The following PSG2 variants were observed in gnomAD, a reference collection of about 807,000 sequenced individuals.
PSG2 encodes pregnancy specific beta-1-glycoprotein 2, also known as pregnancy-specific beta-1-glycoprotein 2.
PSG2 carries 49 observed loss-of-function variants against 36.2 expected under a neutral mutation model. The observed-to-expected ratio is 1.35, with a 90% CI of 1.08 to 1.72. The LOEUF (loss-of-function observed/expected upper bound fraction) is 1.72. Among genes scored for constraint, PSG2 ranks in the 40% most tolerant of loss-of-function variants. The pLI is 0.00. For missense variants in PSG2, 605 were observed against 407.2 expected (o/e 1.49, Z -4.18); for synonymous variants, 261 against 155.6 (o/e 1.68, Z -5.04).
At chr19:43,071,042 C>A (rs1967807959) in intron 4 of PSG2, among the ~76,000 whole-genome samples, 1 of 151,642 alleles carries the variant, frequency 6.6e-6, no homozygotes, top group Admixed American at 6.6e-5. Flanking sequence ...GCTTAGGAGT[C>A]TGCCCTGAGG....
At chr19:43,076,615 T>A (rs547939766) in intron 2 of PSG2, among the ~76,000 whole-genome samples, 1 of 151,558 alleles carries the variant, frequency 6.6e-6, no homozygotes, top group South Asian at 2.1e-4. Context: ...ATGTACCTCA[T>A]ATCAGTGGAT....
chr19:43,082,233 T>C (rs1425346411), intron 1 of PSG2: 5 of 363,902 alleles, frequency 1.4e-5, no homozygotes, highest in Admixed American at 4.2e-5. Context: ...TTCTGCCTCC[T>C]GGGTTCACGT....
chr19:43,078,229 T>A (rs1343445715), intron 2 of PSG2, among the ~76,000 whole-genome samples: 3 of 151,740 alleles, frequency 2.0e-5, no homozygotes, highest in Non-Finnish European at 1.5e-5. Context: ...GAAGCAAGAA[T>A]GATAATAGTT....
chr19:43,076,123 G>A (rs1334027980), intron 2 of PSG2, among the ~76,000 whole-genome samples: 11 of 151,714 alleles, frequency 7.3e-5, no homozygotes, highest in African/African-American at 7.3e-5. Flanking sequence ...GGAAAGCCTG[G>A]CCTGGGACTG....
intron 4 of PSG2, among the ~76,000 whole-genome samples, chr19:43,067,269 C>T (rs1020679314): frequency 6.6e-6 from 1 of 151,384 alleles, no homozygotes; most frequent in African/African-American, 2.4e-5. Context: ...GCCTGCCCCA[C>T]ATTCCCTCAC....
chr19:43,072,419 G>T lies in PSG2; in HGVS notation c.710-465C>A, dbSNP rs866804773. 44 of 1,612,320 alleles carry T rather than the reference G, an allele frequency of 2.7e-5. 2 individuals are homozygous for T. In the Middle Eastern group the frequency reaches 3.6e-3, roughly 130 times the overall value. ...TCGGTCCCGTATTTCACATTCATAG[G>T]GTCCTGTTTCATTTCTCGTGACACT... is the stretch of plus-strand genomic sequence containing the variant. On this transcript the variant is annotated intron_variant, in intron 3 of 5. Coordinates refer to ENST00000406487, the MANE Select transcript of PSG2 (RefSeq NM_031246.4).
At chr19:43,068,054 A>C (rs1284041643) in intron 4 of PSG2, among the ~76,000 whole-genome samples, 1 of 151,542 alleles carries the variant, frequency 6.6e-6, no homozygotes, top group African/African-American at 2.4e-5. Flanking sequence ...CCAAAAGTTG[A>C]TTCTTCAAAA....
In PSG2 at chr19:43,072,289, G is replaced by A. The variant is rs1967830489; in HGVS notation, c.710-335C>T. 3.1e-6 allele frequency: 5 copies of A among 1,597,136 alleles called. No individual in the cohort carries two copies. In the South Asian group the frequency reaches 3.3e-5, roughly 11 times the overall value. ...ACTTGGACCGGAGAGAGACTGAGAG[G>A]CCTGGCCCCTGGTCATTTGGATTTA... On this transcript the variant is annotated intron_variant, in intron 3 of 5. Transcript: ENST00000406487.
chr19:43,073,021 A>G (rs906045479), intron 3 of PSG2, among the ~76,000 whole-genome samples: 1 of 151,632 alleles, frequency 6.6e-6, no homozygotes, highest in African/African-American at 2.4e-5. Context: ...TTGCCCCCCT[A>G]GATGTGATTT....
intron 2 of PSG2, among the ~76,000 whole-genome samples, chr19:43,078,048 G>A (rs1967922279): frequency 1.3e-5 from 2 of 151,668 alleles, no homozygotes; most frequent in Non-Finnish European, 2.9e-5. Context: ...GGGGACTGCA[G>A]GCCTGTCCAG....
At chr19:43,072,421 T>A in intron 3 of PSG2, 3 of 1,612,372 alleles carry the variant, frequency 1.9e-6, no homozygotes, top group East Asian at 2.2e-5. Context: ...ATTCATAGGG[T>A]CCTGTTTCAT....
At position 43,081,181 on chromosome 19, in the gene PSG2, T is replaced by C. The variant is rs2122920707; in HGVS notation, c.130A>G (p.Lys44Glu). Residue 44 changes from lysine (K) to glutamate (E), a missense_variant, in exon 2 of 6, where the codon AAA becomes GAA. Physicochemically the swap from Lys to Glu is moderately conservative, Grantham distance 56 (BLOSUM62 1). Transcript: ENST00000406487. ...AQVTIEAQPP[K>E]VSEGKDVLLL... ...AGAACATCCTTCCCCTCGGAAACTT[T>C]TGGTGGCTGGGCTTCAATCGTGACT... is the stretch of plus-strand genomic sequence containing the variant. 6.2e-7 allele frequency: 1 copy of C among 1,612,702 alleles called. No individual in the cohort carries two copies. The highest frequency in any genetic ancestry group is 2.2e-5 in the East Asian group (1 of 44,860).
At chr19:43,068,949 C>G (rs1269440432) in intron 4 of PSG2, among the ~76,000 whole-genome samples, 2 of 151,492 alleles carry the variant, frequency 1.3e-5, no homozygotes, top group South Asian at 2.1e-4. Context: ...ATAACTTGAA[C>G]TTATATGTAG....
chr19:43,067,098 C>T lies in PSG2; in HGVS notation c.965-498G>A, dbSNP rs186772213. On this transcript the variant is annotated intron_variant, in intron 4 of 5. Coordinates refer to ENST00000406487, the MANE Select transcript of PSG2 (RefSeq NM_031246.4). ...GGGTGTGAAAGCAAGCCTAGTTCTC[C>T]GAGGCTCTCTTTAACTCTAATGGGT... Among the ~76,000 whole-genome samples, 89 of 151,450 alleles carry T rather than the reference C, an allele frequency of 5.9e-4. 2 individuals are homozygous for T. Among genetic ancestry groups the T allele is most frequent in the Non-Finnish European group, 7.4e-4 (50 of 67,886 alleles).
chr19:43,081,605 C>G (rs1967976865), intron 1 of PSG2, among the ~76,000 whole-genome samples: 1 of 151,562 alleles, frequency 6.6e-6, no homozygotes, highest in African/African-American at 2.4e-5. Context: ...ACACCTCCTT[C>G]AGAGACCCTG....
At position 43,082,513 on chromosome 19, in the gene PSG2, C is replaced by T. The variant is rs1293427318; in HGVS notation, c.57G>A (p.Leu19=). 2 of 1,611,824 alleles carry T rather than the reference C, an allele frequency of 1.2e-6. No homozygotes were observed. Among genetic ancestry groups the T allele is most frequent in the Admixed American group, 3.3e-5 (2 of 59,924 alleles). The change falls in exon 1 of 6, where the codon CTG becomes CTA. Residue 19 remains leucine (L), a synonymous_variant. Coordinates refer to ENST00000406487, the MANE Select transcript of PSG2 (RefSeq NM_031246.4). The part of the protein sequence containing the change: ...CTEHIKWKGL[L]VTASLLNFWN... ...AGGAAGTTCTCTCCTCACCTGTGACCAGGAGCCCCTTCCATTTGATGTGCT... is the reference window on the plus strand; with the variant it reads ...AGGAAGTTCTCTCCTCACCTGTGACTAGGAGCCCCTTCCATTTGATGTGCT...
At chr19:43,064,850 C>G (rs1157240883) in intron 5 of PSG2, among the ~76,000 whole-genome samples, 1 of 151,334 alleles carries the variant, frequency 6.6e-6, no homozygotes, top group African/African-American at 2.4e-5. Flanking sequence ...ATTTTTTTTT[C>G]AGATGGAGTC....
intron 2 of PSG2, among the ~76,000 whole-genome samples, chr19:43,076,602 C>T (rs565117163): frequency 2.0e-5 from 3 of 151,544 alleles, no homozygotes; most frequent in South Asian, 2.1e-4. Flanking sequence ...GTTTAACTAC[C>T]CTATGTACCT....
At chr19:43,067,061 G>A (rs1967750196) in intron 4 of PSG2, among the ~76,000 whole-genome samples, 1 of 151,314 alleles carries the variant, frequency 6.6e-6, no homozygotes, top group South Asian at 2.1e-4. Flanking sequence ...CTTTCCTACA[G>A]GCTCCCAGCA....
Sources: allele counts gnomAD v4.1 joint callset (sites outside exome capture counted in the v4.1 genomes callset), GRCh38; gene constraint gnomAD v4.1.1; transcripts MANE v1.5; gene names NCBI Gene and HGNC (gene_info 2026-07-23, HGNC 2026-07-21).